FRAS1: variants seen among roughly 807,000 people sequenced by gnomAD.
The protein encoded by FRAS1 is Fraser extracellular matrix complex subunit 1.
In FRAS1, 290 loss-of-function variants were observed where a neutral mutation model predicts 435.2. That is an observed-to-expected ratio of 0.67 (90% CI 0.61 to 0.73). FRAS1 has a LOEUF of 0.73. Ranked by LOEUF, FRAS1 falls within the 30% of genes least tolerant of loss-of-function variation. FRAS1 has a pLI of 0.00. For synonymous variants in FRAS1, 1,800 were observed against 1,851.0 expected (o/e 0.97, Z 0.71); for missense variants, 4,860 against 5,001.5 (o/e 0.97, Z 0.85).
At position 78,479,665 on chromosome 4, in the gene FRAS1, A is replaced by T. The variant is rs756002187; in HGVS notation, c.8390A>T (p.Asp2797Val). The T allele has an allele frequency of 1.2e-6, 2 of 1,611,442 alleles. No homozygotes were observed. The highest frequency in any genetic ancestry group is 1.7e-6 in the Non-Finnish European group (2 of 1,178,134). ...AAGGTGCTCATTAGTGGTCCCAACG[A>T]TGCCTCGACTGTGTCCCTGGGCAAC... ...TAKVLISGPN[D>V]ASTVSLGNTA... Residue 2797 changes from aspartate to valine, a missense_variant, in exon 56 of 74, where the codon GAT becomes GTT. Coordinates refer to ENST00000512123, the MANE Select transcript of FRAS1 (RefSeq NM_025074.7).
intron 26 of FRAS1, among the ~76,000 whole-genome samples, chr4:78,377,391 G>A (rs79418344): frequency 0.022 from 3,321 of 152,246 alleles, 139 homozygotes; most frequent in African/African-American, 0.075. Context: ...GAAAATGAGT[G>A]CCACTCTCAT....
chr4:78,437,761 C>T (rs960867441), intron 38 of FRAS1, among the ~76,000 whole-genome samples: 1 of 152,202 alleles, frequency 6.6e-6, no homozygotes, highest in African/African-American at 2.4e-5. Context: ...CCCATTTTCA[C>T]AATCAACAGC....
chr4:78,065,895 T>A, intron 1 of FRAS1, 90 bp from the exon 2 acceptor site: 1 of 922,776 alleles, frequency 1.1e-6, no homozygotes, highest in Non-Finnish European at 1.7e-6. Context: ...ATGATGCATA[T>A]AGATGCAGTT....
intron 58 of FRAS1, among the ~76,000 whole-genome samples, chr4:78,486,980 C>T (rs1460782175): frequency 6.6e-6 from 1 of 152,144 alleles, no homozygotes; most frequent in East Asian, 1.9e-4. Flanking sequence ...CAGCCTTTAA[C>T]TTTCTCATCT....
chr4:78,096,240 G>C lies in FRAS1; in HGVS notation c.108+30224G>C, dbSNP rs996037594. Among the ~76,000 whole-genome samples, 8 of 152,320 alleles carry C rather than the reference G, an allele frequency of 5.3e-5. No homozygotes were observed. In the East Asian group the frequency reaches 5.8e-4, roughly 11 times the overall value. ...CATCCCGGTCACACTGATGCAAGAG[G>C]GGGGTTCCCATGGTCTTGGGAAGCT... On this transcript the variant is annotated intron_variant, in intron 2 of 73. Transcript: ENST00000512123.
At chr4:78,140,906 A>T (rs999001195) in intron 2 of FRAS1, among the ~76,000 whole-genome samples, 4 of 152,028 alleles carry the variant, frequency 2.6e-5, no homozygotes, top group Non-Finnish European at 4.4e-5. Flanking sequence ...ATATTTTGAC[A>T]TTTTTCTTTT....
Position 78,372,777 on chromosome 4 carries a change from A to G in FRAS1, c.2929A>G (p.Met977Val), listed in dbSNP as rs1338959337. 6.2e-7 allele frequency: 1 copy of G among 1,613,150 alleles called. No homozygotes were observed. Among genetic ancestry groups the G allele is most frequent in the East Asian group, 2.2e-5 (1 of 44,888 alleles). Residue 977 changes from methionine to valine, a missense_variant, in exon 24 of 74, where the codon ATG becomes GTG. By Grantham distance (21) the Met-to-Val change is conservative. Transcript: ENST00000512123. ...CCTGAAAACAGACTGCCTGCAGTGCATGGATGGCTATGTTCTCCAGGATGG... is the reference window on the plus strand; with the variant it reads ...CCTGAAAACAGACTGCCTGCAGTGCGTGGATGGCTATGTTCTCCAGGATGG... ...GPLKTDCLQCMDGYVLQDGAC... is the reference protein window; with the variant it reads ...GPLKTDCLQCVDGYVLQDGAC...
intron 2 of FRAS1, among the ~76,000 whole-genome samples, chr4:78,157,892 A>G (rs1560555084): frequency 6.6e-6 from 1 of 152,056 alleles, no homozygotes; most frequent in East Asian, 1.9e-4. Context: ...CTGTATATGG[A>G]TGGCCAGTTA....
At position 78,318,922 on chromosome 4, in the gene FRAS1, C is replaced by G; in HGVS notation, c.2073C>G (p.Pro691=). The G allele has an allele frequency of 6.2e-7, 1 of 1,613,976 alleles. No homozygotes were observed. The part of the protein sequence containing the change: ...QVEQLSDVGI[P]SGECLAQCRA... Reference sequence around the variant, plus strand: ...AGCAGCTGTCTGACGTGGGCATCCCCTCTGGCGAGTGTCTAGCCCAGTGTA... The same window carrying G: ...AGCAGCTGTCTGACGTGGGCATCCCGTCTGGCGAGTGTCTAGCCCAGTGTA... The change falls in exon 18 of 74, where the codon CCC becomes CCG. Residue 691 remains proline, a synonymous_variant. Transcript: ENST00000512123.
At position 78,421,609 on chromosome 4, in the gene FRAS1, A is replaced by G. The variant is rs1429924268; in HGVS notation, c.4541-254A>G. Reference sequence around the variant, plus strand: ...TCAATACTTTGCATCCTTCAATCCAATCAAGTTGATAGTCAGTATTAACCA... The same window carrying G: ...TCAATACTTTGCATCCTTCAATCCAGTCAAGTTGATAGTCAGTATTAACCA... On this transcript the variant is annotated intron_variant, in intron 33 of 73. Coordinates refer to ENST00000512123, the MANE Select transcript of FRAS1 (RefSeq NM_025074.7). Among the ~76,000 whole-genome samples, 2 of 152,202 alleles carry G rather than the reference A, an allele frequency of 1.3e-5. 1 individual carries two copies. The highest frequency in any genetic ancestry group is 4.1e-4 in the South Asian group (2 of 4,828).
chr4:78,070,241 A>G (rs1740268702), intron 2 of FRAS1, among the ~76,000 whole-genome samples: 1 of 108,036 alleles, frequency 9.3e-6, no homozygotes, highest in Non-Finnish European at 1.8e-5. Flanking sequence ...ATATGTGTAT[A>G]TATGTATATA....
intron 20 of FRAS1, among the ~76,000 whole-genome samples, chr4:78,343,623 A>G (rs1730486517): frequency 2.0e-5 from 3 of 152,266 alleles, no homozygotes; most frequent in Middle Eastern, 6.8e-3. Flanking sequence ...TATTGTCACC[A>G]TTTCTGAAAG....
intron 59 of FRAS1, among the ~76,000 whole-genome samples, chr4:78,490,444 A>G (rs1578355127): frequency 2.6e-5 from 4 of 152,360 alleles, no homozygotes; most frequent in South Asian, 4.1e-4. Context: ...AACAGAAATC[A>G]TAACAAACAG....
At chr4:78,336,998 A>G (rs1210897353) in intron 19 of FRAS1, among the ~76,000 whole-genome samples, 1 of 151,758 alleles carries the variant, frequency 6.6e-6, no homozygotes, top group African/African-American at 2.4e-5. Flanking sequence ...TCAGTGTTGT[A>G]TCTCTTGTTA....
At chr4:78,474,674 G>A (rs997855736) in intron 53 of FRAS1, among the ~76,000 whole-genome samples, 3 of 152,130 alleles carry the variant, frequency 2.0e-5, no homozygotes, top group African/African-American at 7.2e-5. Flanking sequence ...TGGCAATGAG[G>A]ACTGAGCTCT....
intron 15 of FRAS1, among the ~76,000 whole-genome samples, chr4:78,312,886 A>G (rs1578246104): frequency 6.6e-6 from 1 of 151,918 alleles, no homozygotes; most frequent in East Asian, 1.9e-4. Flanking sequence ...AGAGAGAAAG[A>G]AAGAAAGAAA....
Position 78,486,862 on chromosome 4 carries a change from A to C in FRAS1, c.8753-2013A>C, listed in dbSNP as rs540697858. Among the ~76,000 whole-genome samples, 19 of 138,428 alleles carry C rather than the reference A, an allele frequency of 1.4e-4. No individual in the cohort carries two copies. The South Asian group carries it at 4.4e-3, about 32-fold the overall frequency. The allele number at this position is 138,428 out of a possible 152,430, so 90.8% of individuals were successfully genotyped here. A position where few individuals can be genotyped will look rare whatever the true frequency, so the allele number is the denominator to read the frequency against. ...TTTTTTTTTTTTTTGGCAGACAGGG[A>C]TAGAAGTGAGAGTGAATGTCTTGTT... On this transcript the variant is annotated intron_variant, in intron 58 of 73. Coordinates refer to ENST00000512123, the MANE Select transcript of FRAS1 (RefSeq NM_025074.7).
chr4:78,306,882 A>G (rs980687143), intron 14 of FRAS1, among the ~76,000 whole-genome samples: 27 of 152,208 alleles, frequency 1.8e-4, no homozygotes, highest in Non-Finnish European at 3.7e-4. Context: ...GTCATTCTCC[A>G]TCCAGCTTTG....
At chr4:78,475,316 C>A (rs1169156622) in intron 53 of FRAS1, 122 bp from the exon 54 acceptor site, 1 of 1,002,736 alleles carries the variant, frequency 1.0e-6, no homozygotes. Context: ...TTAGAGGAAC[C>A]AAACTTCCTC....
Sources: gnomAD v4.1 joint callset for allele counts (sites outside exome capture counted in the v4.1 genomes callset) on GRCh38, gnomAD v4.1.1 for gene constraint, MANE v1.5 for transcripts, NCBI Gene and HGNC (gene_info 2026-07-23, HGNC 2026-07-21) for gene names.